HECTD4: variants seen among roughly 807,000 people sequenced by gnomAD.
The protein encoded by HECTD4 is HECT domain E3 ubiquitin protein ligase 4.
In HECTD4, 114 loss-of-function variants were observed where a neutral mutation model predicts 471.5. The ratio of observed to expected loss-of-function variants is 0.24; its 90% CI spans 0.21 to 0.28. HECTD4 has a LOEUF of 0.28. Among genes scored for constraint, HECTD4 ranks in the 10% least tolerant of loss-of-function variants. The pLI is 1.00. For missense variants in HECTD4, 3,866 were observed against 5,651.5 expected (o/e 0.68, Z 10.13); for synonymous variants, 2,012 against 2,256.0 (o/e 0.89, Z 3.07).
Position 112,251,265 on chromosome 12 carries a change from G to T in HECTD4, c.3553-131C>A. On this transcript the variant is annotated intron_variant, in intron 23 of 75. Transcript: ENST00000682272. ...GCAGCATCGAGTATCACTGCTAGGG[G>T]ACACAGGTACAGCACCCAAATCATG... 5.1e-6 allele frequency: 4 copies of T among 789,262 alleles called. No individual in the cohort carries two copies. In the East Asian group the frequency reaches 7.8e-5, roughly 15 times the overall value. The allele number at this position is 789,262 out of a possible 1,614,324, so 48.9% of individuals were successfully genotyped here.
At chr12:112,253,575 A>G (rs2135592396) in intron 22 of HECTD4, among the ~76,000 whole-genome samples, 1 of 152,378 alleles carries the variant, frequency 6.6e-6, no homozygotes, top group Admixed American at 6.5e-5. Context: ...GCAGATACAC[A>G]GTTAAGTAGT....
chr12:112,179,834 T>C lies in HECTD4; in HGVS notation c.10988-437A>G, dbSNP rs967678766. On this transcript the variant is annotated intron_variant, in intron 62 of 75. Coordinates refer to ENST00000682272, the MANE Select transcript of HECTD4 (RefSeq NM_001388303.1). This position sits in a 1 kb window ranked among gnomAD's most constrained non-coding sequence, Gnocchi z 4.3. ...GTCTAGAATAATCCCAGAGGATAGATAGCCAGCAAGTATTTTTAGTGGGAA... is the reference window on the plus strand; with the variant it reads ...GTCTAGAATAATCCCAGAGGATAGACAGCCAGCAAGTATTTTTAGTGGGAA... Among the ~76,000 whole-genome samples, 2 of 152,230 alleles carry C rather than the reference T, an allele frequency of 1.3e-5. No individual in the cohort carries two copies. The highest frequency in any genetic ancestry group is 4.8e-5 in the African/African-American group (2 of 41,450).
chr12:112,334,369 G>C, intron 1 of HECTD4, among the ~76,000 whole-genome samples: 1 of 149,576 alleles, frequency 6.7e-6, no homozygotes, highest in Non-Finnish European at 1.5e-5. Context: ...GTGGCCTAAG[G>C]ACATGAATAG....
At chr12:112,352,350 T>TC (rs1225306307) in intron 1 of HECTD4, among the ~76,000 whole-genome samples, 2 of 151,784 alleles carry the variant, frequency 1.3e-5, no homozygotes, top group African/African-American at 4.8e-5. Context: ...TTTTTTTTTT[T>TC]TTGAGACAGA....
chr12:112,228,377 AC>A lies in HECTD4; in HGVS notation c.6685-120del. On this transcript the variant is annotated intron_variant, in intron 42 of 75. Transcript: ENST00000682272. This position sits in a 1 kb window ranked among gnomAD's most constrained non-coding sequence, Gnocchi z 4.9. Reference sequence around the variant, plus strand: ...AATTTTCAGTTAAAAAAATAAAATCACCATACAGAAAACTACAAACCACATC... The same window carrying A: ...AATTTTCAGTTAAAAAAATAAAATCACATACAGAAAACTACAAACCACATC... 1 of 1,138,166 alleles carries A rather than the reference AC, an allele frequency of 8.8e-7. No homozygotes were observed. Among genetic ancestry groups the A allele is most frequent in the Non-Finnish European group, 1.2e-6 (1 of 848,512 alleles). 70.5% of individuals were successfully genotyped at this position (1,138,166 alleles called of 1,614,324 possible). A position where few individuals can be genotyped will look rare whatever the true frequency, so the allele number is the denominator to read the frequency against.
At position 112,228,370 on chromosome 12, in the gene HECTD4, T is replaced by A; in HGVS notation, c.6685-112A>T. 1 of 1,174,562 alleles carries A rather than the reference T, an allele frequency of 8.5e-7. No individual in the cohort carries two copies. Among genetic ancestry groups the A allele is most frequent in the Non-Finnish European group, 1.1e-6 (1 of 881,876 alleles). 72.8% of individuals were successfully genotyped at this position (1,174,562 alleles called of 1,614,324 possible). ...ATTCTTAAATTTTCAGTTAAAAAAA[T>A]AAAATCACCATACAGAAAACTACAA... On this transcript the variant is annotated intron_variant, in intron 42 of 75. Coordinates refer to ENST00000682272, the MANE Select transcript of HECTD4 (RefSeq NM_001388303.1). This position sits in a 1 kb window ranked among gnomAD's most constrained non-coding sequence, Gnocchi z 4.9.
intron 1 of HECTD4, among the ~76,000 whole-genome samples, chr12:112,362,217 C>T (rs550975438): frequency 1.1e-3 from 164 of 152,150 alleles, no homozygotes; most frequent in Admixed American, 1.8e-3. Flanking sequence ...AAAAGATTTC[C>T]GTTTCAGTTG....
chr12:112,287,547 A>G (rs998592702), intron 7 of HECTD4, among the ~76,000 whole-genome samples: 12 of 152,208 alleles, frequency 7.9e-5, no homozygotes, highest in African/African-American at 2.9e-4. Context: ...ACTGCAGTTT[A>G]TATAGAGCAC....
intron 29 of HECTD4, among the ~76,000 whole-genome samples, chr12:112,246,281 C>A (rs533404844): frequency 6.6e-6 from 1 of 151,952 alleles, no homozygotes; most frequent in African/African-American, 2.4e-5. Flanking sequence ...AAAAAAGTTA[C>A]AAGATTTATG....
chr12:112,352,542 G>A (rs2036265359), intron 1 of HECTD4, among the ~76,000 whole-genome samples: 1 of 151,612 alleles, frequency 6.6e-6, no homozygotes, highest in South Asian at 2.1e-4. Context: ...TACCATGTTG[G>A]CCAGGCTGGT....
intron 1 of HECTD4, among the ~76,000 whole-genome samples, chr12:112,354,733 T>C (rs1011890048): frequency 3.3e-5 from 5 of 151,740 alleles, no homozygotes; most frequent in Non-Finnish European, 5.9e-5. Flanking sequence ...CAAACACACA[T>C]ACACACAGCA....
At chr12:112,345,415 C>T (rs2036131152) in intron 1 of HECTD4, among the ~76,000 whole-genome samples, 2 of 151,922 alleles carry the variant, frequency 1.3e-5, no homozygotes, top group Non-Finnish European at 2.9e-5. Context: ...ACAAGCAAAC[C>T]TTAATAGTAT....
chr12:112,176,561 T>A (rs369342960), intron 65 of HECTD4, 35 bp downstream of exon 65: 243 of 1,471,978 alleles, frequency 1.7e-4, no homozygotes, highest in Non-Finnish European at 2.1e-4. Flanking sequence ...TGGAAGTAGG[T>A]CCCAGCCCAC....
chr12:112,230,042 C>T (rs954991885), intron 40 of HECTD4, among the ~76,000 whole-genome samples, 162 bp from the exon 41 acceptor site: 2 of 152,176 alleles, frequency 1.3e-5, no homozygotes, highest in African/African-American at 4.8e-5. Flanking sequence ...GACATCTGCC[C>T]ATATTTGTCT....
intron 35 of HECTD4, 120 bp downstream of exon 35, chr12:112,236,825 G>A: frequency 1.2e-6 from 1 of 866,676 alleles, no homozygotes; most frequent in Non-Finnish European, 1.6e-6. Flanking sequence ...TGAGGCAAGA[G>A]TGTGTCAAAA....
intron 50 of HECTD4, 99 bp from the exon 51 acceptor site, chr12:112,208,729 T>C: frequency 9.2e-7 from 1 of 1,089,654 alleles, no homozygotes; most frequent in Non-Finnish European, 1.3e-6. Context: ...TTAATTTGCA[T>C]GATAGGAAGA....
At chr12:112,324,398 G>A (rs528007351) in intron 1 of HECTD4, among the ~76,000 whole-genome samples, 3 of 151,938 alleles carry the variant, frequency 2.0e-5, no homozygotes, top group Admixed American at 6.6e-5. Flanking sequence ...AAGAGTATAG[G>A]CATGATCCAC....
chr12:112,274,268 A>G (rs189763205), intron 10 of HECTD4, among the ~76,000 whole-genome samples: 2 of 152,336 alleles, frequency 1.3e-5, no homozygotes, highest in East Asian at 3.8e-4. Flanking sequence ...CAGGAAATAA[A>G]CTTTTTGTGG....
Position 112,163,792 on chromosome 12 carries a change from G to A in HECTD4, c.12702-55C>T, listed in dbSNP as rs1325193473. On this transcript the variant is annotated intron_variant, in intron 73 of 75. Coordinates refer to ENST00000682272, the MANE Select transcript of HECTD4 (RefSeq NM_001388303.1). This position sits in a 1 kb window ranked among gnomAD's most constrained non-coding sequence, Gnocchi z 8.2. The stretch of plus-strand genomic sequence containing the variant: ...GAACACCGCCGAAGAGGCTGGGTCT[G>A]GGGGCCACACCCACTCAGCTGGAGG... 2.2e-6 allele frequency: 3 copies of A among 1,379,090 alleles called. No homozygotes were observed. The highest frequency in any genetic ancestry group is 1.5e-5 in the African/African-American group (1 of 67,516). 85.4% of individuals were successfully genotyped at this position (1,379,090 alleles called of 1,614,324 possible).
Sources: gnomAD v4.1 joint callset for allele counts (sites outside exome capture counted in the v4.1 genomes callset) on GRCh38, gnomAD v4.1.1 for gene constraint, Gnocchi (gnomAD v3.1) non-coding constraint, MANE v1.5 for transcripts, NCBI Gene and HGNC (gene_info 2026-07-23, HGNC 2026-07-21) for gene names.